The following TMEM101 variants were observed in gnomAD, a reference collection of about 807,000 sequenced individuals.
TMEM101 encodes the protein putative NF-kappa-B-activating protein 130.
TMEM101 carries 14 observed loss-of-function variants against 26.0 expected under a neutral mutation model. That is an observed-to-expected ratio of 0.54 (90% CI 0.36 to 0.84). The LOEUF (loss-of-function observed/expected upper bound fraction) is 0.84, where lower values mean the gene tolerates loss of function less well. Ranked by LOEUF, TMEM101 falls within the 40% of genes least tolerant of loss-of-function variation. The pLI, the probability that TMEM101 is intolerant of heterozygous loss-of-function variation, is 0.01. For synonymous variants in TMEM101, 152 were observed against 145.1 expected (o/e 1.05, Z -0.34); for missense variants, 292 against 345.1 (o/e 0.85, Z 1.22).
intron 3 of TMEM101, 44 bp from the exon 4 acceptor site, chr17:44,012,280 GCCTGTCTGGGGTAAA>G (rs775083910): frequency 1.3e-6 from 2 of 1,556,210 alleles, no homozygotes; most frequent in East Asian, 4.5e-5. Context: ...AGGCTCAGAA[GCCTGTCTGGGGTAAA>G]CCACCCCTGA....
chr17:44,012,286 C>A, intron 3 of TMEM101, 50 bp from the exon 4 acceptor site: 2 of 1,536,860 alleles, frequency 1.3e-6, no homozygotes, highest in South Asian at 2.5e-5. Context: ...AGAAGCCTGT[C>A]TGGGGTAAAC....
chr17:44,012,287 TG>T, intron 3 of TMEM101, 51 bp from the exon 4 acceptor site: 1 of 1,532,804 alleles, frequency 6.5e-7, no homozygotes, highest in Non-Finnish European at 8.8e-7. Flanking sequence ...GAAGCCTGTC[TG>T]GGGTAAACCA....
chr17:44,019,267 G>T (rs796235522), upstream of TMEM101: 1 of 403,986 alleles, frequency 2.5e-6, no homozygotes, highest in South Asian at 1.8e-5. Context: ...CACCAGACTG[G>T]GAAGCAACAG....
chr17:44,017,941 T>C (rs1388796282), upstream of TMEM101, among the ~76,000 whole-genome samples: 1 of 152,004 alleles, frequency 6.6e-6, no homozygotes, highest in Non-Finnish European at 1.5e-5. Flanking sequence ...GAGACCAGCC[T>C]GGCCAACATG....
upstream of TMEM101, chr17:44,019,235 C>T (rs536752932): frequency 4.7e-5 from 16 of 342,560 alleles, no homozygotes; most frequent in Non-Finnish European, 8.0e-5. Flanking sequence ...TATTTATACT[C>T]ACCAGACTAT....
In TMEM101 at chr17:44,011,804, A is replaced by G. The variant is rs2049160725; in HGVS notation, c.*124T>C. 1 of 1,169,326 alleles carries G rather than the reference A, an allele frequency of 8.6e-7. No homozygotes were observed. The allele number at this position is 1,169,326 out of a possible 1,614,324, so 72.4% of individuals were successfully genotyped here. ...CTCTTAACTGCAAAAAACAATTTTA[A>G]AAAAGCAAAAGATCAAACAAACAGA... On this transcript the variant is annotated 3_prime_UTR_variant, in exon 4 of 4. Coordinates refer to ENST00000206380, the MANE Select transcript of TMEM101 (RefSeq NM_032376.4).
chr17:44,022,991 G>T, intron 1 of TMEM101: 1 of 219,072 alleles, frequency 4.6e-6, no homozygotes. Context: ...TAAGCAAATT[G>T]CAATAGGAAG....
Position 44,014,542 on chromosome 17 carries a change from G to A in TMEM101, c.138-5C>T, listed in dbSNP as rs2049204219. On this transcript the variant is annotated splice_polypyrimidine_tract_variant and splice_region_variant and intron_variant, in intron 1 of 3. Transcript: ENST00000206380. ...GGCACTGGGATGTCGGGCTTCCTGC[G>A]AGCCGGGAGTGGGGAAGCAACGAGG... is the stretch of plus-strand genomic sequence containing the variant. 1 of 1,568,016 alleles carries A rather than the reference G, an allele frequency of 6.4e-7. No homozygotes were observed. Among genetic ancestry groups the A allele is most frequent in the Non-Finnish European group, 8.7e-7 (1 of 1,154,026 alleles).
In TMEM101 at chr17:44,013,519, C is replaced by T. The variant is rs183010554; in HGVS notation, c.319-364G>A. Among the ~76,000 whole-genome samples the T allele has an allele frequency of 2.9e-3, 435 of 152,076 alleles. 2 individuals carry two copies. Among genetic ancestry groups the T allele is most frequent in the Non-Finnish European group, 4.8e-3 (323 of 67,992 alleles). On this transcript the variant is annotated intron_variant, in intron 2 of 3. Transcript: ENST00000206380. ...ACTGAAAATACAAAAATTAGTCGGG[C>T]GTGGGGAAGGGCGCCTGTAATCCCA...
At chr17:44,022,923 A>G (rs1012192281) in intron 1 of TMEM101, 1 of 158,576 alleles carries the variant, frequency 6.3e-6, no homozygotes, top group African/African-American at 2.4e-5. Context: ...GTAAATGGCA[A>G]TGCAGATATA....
chr17:44,012,284 G>T, intron 3 of TMEM101, 48 bp from the exon 4 acceptor site: 1 of 1,548,436 alleles, frequency 6.5e-7, no homozygotes, highest in African/African-American at 1.4e-5. Flanking sequence ...TCAGAAGCCT[G>T]TCTGGGGTAA....
At chr17:44,021,670 G>A (rs938777570) in intron 1 of TMEM101, among the ~76,000 whole-genome samples, 1 of 152,166 alleles carries the variant, frequency 6.6e-6, no homozygotes, top group African/African-American at 2.4e-5. Flanking sequence ...CTTCGAGGAC[G>A]GCTACCAATT....
At chr17:44,014,692 G>A in intron 1 of TMEM101, 124 bp downstream of exon 1, 1 of 1,504,914 alleles carries the variant, frequency 6.6e-7, no homozygotes, top group Non-Finnish European at 8.9e-7. Flanking sequence ...CCGACACCCA[G>A]ACCAGAACCC....
rs1405613262 is a variant in TMEM101, at chr17:44,013,069, AG to A, written c.404del (p.Pro135LeufsTer36). On this transcript the variant is annotated frameshift_variant, in exon 3 of 4. Transcript: ENST00000206380. LOFTEE classifies it high-confidence loss of function. Reference sequence around the variant, plus strand: ...CGGTGGACTGCAGGGAGCGGCTGCGAGGTTTCCGGCGGTACAGCTCCCCAGC... The same window carrying A: ...CGGTGGACTGCAGGGAGCGGCTGCGAGTTTCCGGCGGTACAGCTCCCCAGC... ...SGAGELYRRK[P>X]RSRSLQSTGQ... 6.2e-7 allele frequency: 1 copy of A among 1,610,116 alleles called. No individual in the cohort carries two copies. Among genetic ancestry groups the A allele is most frequent in the South Asian group, 1.1e-5 (1 of 90,830 alleles).
upstream of TMEM101, among the ~76,000 whole-genome samples, chr17:44,016,257 A>G (rs1056239609): frequency 2.0e-5 from 3 of 151,798 alleles, no homozygotes; most frequent in African/African-American, 7.3e-5. Flanking sequence ...ACTACAGCCT[A>G]CACCTCCCAG....
At chr17:44,015,335 C>T (rs185512225), upstream of TMEM101, among the ~76,000 whole-genome samples, 1 of 152,284 alleles carries the variant, frequency 6.6e-6, no homozygotes, top group South Asian at 2.1e-4. Flanking sequence ...TGAGACTCAT[C>T]ATGAAATGGG....
intron 3 of TMEM101, chr17:44,012,550 T>C (rs2083582960): frequency 2.5e-6 from 1 of 406,332 alleles, no homozygotes; most frequent in African/African-American, 2.0e-5. Context: ...GTAATTAAGA[T>C]AAGACCTAAT....
chr17:44,011,194 T>C lies in TMEM101; in HGVS notation c.*734A>G, dbSNP rs1477354725. 1 of 152,142 alleles carries C rather than the reference T, an allele frequency of 6.6e-6. No homozygotes were observed. Among genetic ancestry groups the C allele is most frequent in the Non-Finnish European group, 1.5e-5 (1 of 68,020 alleles). The allele number at this position is 152,142 out of a possible 1,614,324, so 9.4% of individuals were successfully genotyped here. A position where few individuals can be genotyped will look rare whatever the true frequency, so the allele number is the denominator to read the frequency against. On this transcript the variant is annotated 3_prime_UTR_variant, in exon 4 of 4. Transcript: ENST00000206380. ...ACAGAAAAGCAAAACCAAATGTCTA[T>C]ATAAAATGTTTATTTTTGGAGGACT...
At chr17:44,020,849 G>A (rs371208870) in intron 2 of TMEM101, among the ~76,000 whole-genome samples, 14 of 152,322 alleles carry the variant, frequency 9.2e-5, no homozygotes, top group African/African-American at 3.4e-4. Context: ...TCAACACAGA[G>A]CCAGCACTGA....
Sources: gnomAD v4.1 joint callset for allele counts (sites outside exome capture counted in the v4.1 genomes callset) on GRCh38, gnomAD v4.1.1 for gene constraint, MANE v1.5 for transcripts, NCBI Gene and HGNC (gene_info 2026-07-23, HGNC 2026-07-21) for gene names.